Variants in ME3 observed in about 807,000 individuals in gnomAD.
ME3 encodes malic enzyme 3, also known as NADP-dependent malic enzyme, mitochondrial.
In ME3, 48 loss-of-function variants were observed where a neutral mutation model predicts 68.9. The observed-to-expected ratio is 0.70, with a 90% CI of 0.55 to 0.89. The LOEUF is 0.89. Ranked by LOEUF, ME3 falls within the 40% of genes least tolerant of loss-of-function variation. The pLI, the probability that ME3 is intolerant of heterozygous loss-of-function variation, is 0.00. For synonymous variants in ME3, 320 were observed against 318.8 expected (o/e 1.00, Z -0.04); for missense variants, 675 against 797.4 (o/e 0.85, Z 1.85).
intron 2 of ME3, among the ~76,000 whole-genome samples, chr11:86,637,193 C>T (rs1565249310): frequency 6.6e-6 from 1 of 152,050 alleles, no homozygotes; most frequent in Non-Finnish European, 1.5e-5. Context: ...TCCATTAACT[C>T]ATTCAGTTAA....
intron 2 of ME3, among the ~76,000 whole-genome samples, chr11:86,652,348 G>T (rs1430193392): frequency 6.6e-6 from 1 of 152,138 alleles, no homozygotes; most frequent in Non-Finnish European, 1.5e-5. Context: ...CAGAGAAAAG[G>T]CTCGGGTTAC....
chr11:86,633,664 A>C (rs887678634), intron 2 of ME3, among the ~76,000 whole-genome samples: 1 of 152,206 alleles, frequency 6.6e-6, no homozygotes, highest in Non-Finnish European at 1.5e-5. Context: ...GGTTGCTCTC[A>C]AACCCAAATG....
intron 2 of ME3, among the ~76,000 whole-genome samples, chr11:86,610,057 C>T (rs1367735232): frequency 1.3e-5 from 2 of 152,120 alleles, no homozygotes; most frequent in African/African-American, 4.8e-5. Context: ...ACATACATTT[C>T]ATATAATGTC....
chr11:86,459,799 T>C (rs1190325902), intron 8 of ME3, among the ~76,000 whole-genome samples: 1 of 152,214 alleles, frequency 6.6e-6, no homozygotes, highest in African/African-American at 2.4e-5. Context: ...GCTAATAGCC[T>C]GACATAACAC....
intron 2 of ME3, among the ~76,000 whole-genome samples, chr11:86,670,263 G>GGC (rs1946836562): frequency 6.6e-6 from 1 of 152,230 alleles, no homozygotes; most frequent in Non-Finnish European, 1.5e-5. Flanking sequence ...TGTGGTGTGA[G>GGC]AACAGGAGAT....
At chr11:86,615,332 C>A (rs1250120914) in intron 2 of ME3, among the ~76,000 whole-genome samples, 2 of 152,180 alleles carry the variant, frequency 1.3e-5, no homozygotes, top group Admixed American at 1.3e-4. Context: ...ACTATTCAAT[C>A]ATGAATGGCA....
At chr11:86,450,231 T>G in intron 9 of ME3, 70 bp downstream of exon 9, 4 of 1,463,286 alleles carry the variant, frequency 2.7e-6, no homozygotes, top group Non-Finnish European at 3.8e-6. Flanking sequence ...ATGCCTCCCT[T>G]TTTTGGTATG....
chr11:86,613,525 A>G (rs989525031), intron 2 of ME3, among the ~76,000 whole-genome samples: 3 of 152,156 alleles, frequency 2.0e-5, no homozygotes, highest in African/African-American at 7.2e-5. Context: ...GAGGAAGTCA[A>G]ATTGTCTCTA....
At chr11:86,629,189 C>T (rs1466916126) in intron 2 of ME3, among the ~76,000 whole-genome samples, 1 of 152,208 alleles carries the variant, frequency 6.6e-6, no homozygotes, top group Non-Finnish European at 1.5e-5. Flanking sequence ...CTCACCAGGT[C>T]ATGAGAATGT....
chr11:86,672,592 T>G (rs1287540998), exon 1 of ME3: 1 of 100,898 alleles, frequency 9.9e-6, no homozygotes, highest in Non-Finnish European at 1.9e-5. Context: ...CGCCTGAGAC[T>G]CTCCATCTTG....
At chr11:86,504,421 A>G (rs1360508653) in intron 5 of ME3, among the ~76,000 whole-genome samples, 2 of 117,700 alleles carry the variant, frequency 1.7e-5, no homozygotes, top group Non-Finnish European at 3.2e-5. Context: ...ACAGAGTCTC[A>G]CTACTCTCTC....
intron 4 of ME3, among the ~76,000 whole-genome samples, chr11:86,526,694 A>C (rs1220083168): frequency 6.6e-6 from 1 of 152,210 alleles, no homozygotes; most frequent in East Asian, 1.9e-4. Flanking sequence ...TCAGGCAGCA[A>C]CATTTGCTGT....
intron 2 of ME3, among the ~76,000 whole-genome samples, chr11:86,667,563 C>G (rs1220875035): frequency 6.6e-6 from 1 of 152,170 alleles, no homozygotes; most frequent in East Asian, 1.9e-4. Context: ...TTGAGCATTT[C>G]AAGTCAGACA....
At chr11:86,554,898 A>G (rs1192458150) in intron 4 of ME3, among the ~76,000 whole-genome samples, 3 of 152,208 alleles carry the variant, frequency 2.0e-5, no homozygotes, top group African/African-American at 7.2e-5. Flanking sequence ...ACAAACAACT[A>G]AAAACATGAA....
chr11:86,535,553 C>T (rs939116008), intron 4 of ME3, among the ~76,000 whole-genome samples: 5 of 152,166 alleles, frequency 3.3e-5, no homozygotes, highest in African/African-American at 1.2e-4. Context: ...GGGATAAAGT[C>T]TATCCTTTAT....
At chr11:86,486,736 C>T (rs935520397) in intron 7 of ME3, among the ~76,000 whole-genome samples, 2 of 152,310 alleles carry the variant, frequency 1.3e-5, no homozygotes, top group Middle Eastern at 3.4e-3. Context: ...TCCATCCCAG[C>T]GGCACGTCAG....
chr11:86,625,409 G>A (rs1322263008), intron 2 of ME3, among the ~76,000 whole-genome samples: 1 of 152,010 alleles, frequency 6.6e-6, no homozygotes, highest in African/African-American at 2.4e-5. Flanking sequence ...TGAATTTGCA[G>A]TGCCTCAATT....
intron 4 of ME3, among the ~76,000 whole-genome samples, chr11:86,509,402 AC>A (rs1303573072): frequency 1.9e-3 from 29 of 15,126 alleles, no homozygotes; most frequent in Non-Finnish European, 2.3e-3. Context: ...CCATCATCAC[AC>A]ACACACACAC....
At chr11:86,541,147 A>G (rs1225062661) in intron 4 of ME3, among the ~76,000 whole-genome samples, 1 of 152,172 alleles carries the variant, frequency 6.6e-6, no homozygotes, top group Non-Finnish European at 1.5e-5. Flanking sequence ...AAACCTTCAG[A>G]CCAGGAGATT....
Sources: allele counts gnomAD v4.1 joint callset (sites outside exome capture counted in the v4.1 genomes callset), GRCh38; gene constraint gnomAD v4.1.1; transcripts MANE v1.5; gene names NCBI Gene and HGNC (gene_info 2026-07-23, HGNC 2026-07-21).